Variants in SLC6A2 observed in about 807,000 individuals in gnomAD.
SLC6A2 encodes the protein solute carrier family 6 member 2, also known as sodium-dependent noradrenaline transporter.
A neutral mutation model predicts 71.7 loss-of-function variants in SLC6A2; 26 were observed. The observed-to-expected ratio is 0.36, with a 90% confidence interval of 0.27 to 0.50. The LOEUF is 0.50. SLC6A2 is among the 20% of genes least tolerant of loss of function. The pLI is 0.96. For synonymous variants in SLC6A2, 363 were observed against 337.9 expected, an observed-to-expected ratio of 1.07 and a Z score of -0.82; for missense variants, 581 against 803.9, an observed-to-expected ratio of 0.72 and a Z score of 3.35.
chr16:55,666,639 G>A (rs796422471), intron 2 of SLC6A2, among the ~76,000 whole-genome samples: 9 of 152,270 alleles, frequency 5.9e-5, no homozygotes, highest in African/African-American at 1.4e-4. Flanking sequence ...GAGAAGAGCC[G>A]CAGGCACATG....
chr16:55,692,830 A>G (rs1470122706), intron 6 of SLC6A2, among the ~76,000 whole-genome samples: 3 of 152,220 alleles, frequency 2.0e-5, no homozygotes, highest in African/African-American at 2.4e-5. Context: ...CCATAGTTGT[A>G]ATGCTCCAAC....
At chr16:55,665,145 C>T (rs1359020008) in intron 2 of SLC6A2, among the ~76,000 whole-genome samples, 3 of 152,212 alleles carry the variant, frequency 2.0e-5, no homozygotes, top group Non-Finnish European at 4.4e-5. Context: ...CCTGTACCTC[C>T]ACATTCCAGC....
intron 2 of SLC6A2, among the ~76,000 whole-genome samples, chr16:55,666,087 A>G (rs1596954991): frequency 2.0e-5 from 3 of 152,338 alleles, no homozygotes; most frequent in African/African-American, 7.2e-5. Flanking sequence ...TGAGCTCCTC[A>G]TGAGGCATGC....
chr16:55,690,545 T>C (rs549924073), intron 5 of SLC6A2, among the ~76,000 whole-genome samples: 10 of 152,318 alleles, frequency 6.6e-5, no homozygotes, highest in African/African-American at 2.2e-4. Context: ...ATTTAGGTTA[T>C]AGGCCTTCTC....
At chr16:55,691,089 T>C (rs1965603377) in intron 5 of SLC6A2, among the ~76,000 whole-genome samples, 1 of 149,860 alleles carries the variant, frequency 6.7e-6, no homozygotes, top group South Asian at 2.1e-4. Flanking sequence ...GGAAAGAAAA[T>C]ATGCTTAAAG....
chr16:55,665,788 C>A (rs1175066032), intron 2 of SLC6A2, among the ~76,000 whole-genome samples: 1 of 152,204 alleles, frequency 6.6e-6, no homozygotes, highest in Non-Finnish European at 1.5e-5. Context: ...GGGTACTTGG[C>A]ATTTGCACAG....
chr16:55,697,434 T>A (rs898227412), intron 9 of SLC6A2, among the ~76,000 whole-genome samples: 2 of 152,228 alleles, frequency 1.3e-5, no homozygotes, highest in Non-Finnish European at 2.9e-5. Flanking sequence ...GTGACCACTT[T>A]GCTTGATCAT....
intron 4 of SLC6A2, among the ~76,000 whole-genome samples, chr16:55,679,264 G>A (rs1226218193): frequency 6.7e-6 from 1 of 148,176 alleles, no homozygotes; most frequent in African/African-American, 2.5e-5. Context: ...TTCTCACTCT[G>A]TCACCCAGGC....
intron 4 of SLC6A2, among the ~76,000 whole-genome samples, chr16:55,675,590 G>C (rs767110304): frequency 6.6e-6 from 1 of 152,126 alleles, no homozygotes; most frequent in East Asian, 1.9e-4. Flanking sequence ...AAAACTTCCC[G>C]CCATGATAGA....
chr16:55,699,972 T>C (rs1567458785), intron 12 of SLC6A2, among the ~76,000 whole-genome samples, 167 bp from the exon 13 acceptor site: 1 of 152,162 alleles, frequency 6.6e-6, no homozygotes, highest in Non-Finnish European at 1.5e-5. Flanking sequence ...TTCTTTCTTA[T>C]TTCTCCATCT....
Position 55,669,049 on chromosome 16 carries a change from A to T in SLC6A2, c.275-516A>T, listed in dbSNP as rs115010701. On this transcript the variant is annotated intron_variant, in intron 2 of 14. Coordinates refer to ENST00000568943, the MANE Select transcript of SLC6A2 (RefSeq NM_001172501.3). The stretch of plus-strand genomic sequence containing the variant: ...CCAGTGAGATCATGCTTGGGAAAGC[A>T]AGCCACATATACCCCTATGTGATAG... Among the ~76,000 whole-genome samples, 1,297 of 152,292 alleles carry T rather than the reference A, an allele frequency of 8.5e-3. 23 individuals are homozygous for T. The highest frequency in any genetic ancestry group is 0.03 in the African/African-American group (1,237 of 41,552).
intron 4 of SLC6A2, among the ~76,000 whole-genome samples, chr16:55,673,180 G>T (rs768756006): frequency 4.6e-5 from 7 of 152,134 alleles, no homozygotes; most frequent in Non-Finnish European, 1.0e-4. Flanking sequence ...ATTGATTTGA[G>T]TTTGTTTGTT....
At chr16:55,660,560 A>G (rs753307242) in intron 2 of SLC6A2, among the ~76,000 whole-genome samples, 4 of 152,180 alleles carry the variant, frequency 2.6e-5, no homozygotes, top group Non-Finnish European at 5.9e-5. Context: ...GATGAGAGTG[A>G]GTGGTCAGGA....
chr16:55,687,234 G>A (rs1182542966), intron 5 of SLC6A2, among the ~76,000 whole-genome samples: 1 of 364 alleles, frequency 2.7e-3, no homozygotes, highest in African/African-American at 4.0e-3. Flanking sequence ...TAGATAATAA[G>A]AGATCATTGC....
chr16:55,663,369 C>T (rs1964661008), intron 2 of SLC6A2, among the ~76,000 whole-genome samples: 1 of 152,150 alleles, frequency 6.6e-6, no homozygotes, highest in Admixed American at 6.5e-5. Flanking sequence ...CTTGGTTCCC[C>T]TCTTGCCATG....
intron 5 of SLC6A2, among the ~76,000 whole-genome samples, chr16:55,687,716 A>G (rs558322485): frequency 5.2e-4 from 79 of 152,304 alleles, no homozygotes; most frequent in Admixed American, 1.2e-3. Flanking sequence ...GGACCACCAC[A>G]AACTTCTAAC....
intron 4 of SLC6A2, among the ~76,000 whole-genome samples, chr16:55,680,665 C>T (rs2142543010): frequency 6.6e-6 from 1 of 152,294 alleles, no homozygotes; most frequent in South Asian, 2.1e-4. Context: ...CTCCCAGACA[C>T]ACCCAGGAAC....
At chr16:55,677,017 T>C (rs766859654) in intron 4 of SLC6A2, among the ~76,000 whole-genome samples, 10 of 152,196 alleles carry the variant, frequency 6.6e-5, no homozygotes. Context: ...TTTCCATCAG[T>C]AGCTCCCCCT....
chr16:55,692,860 C>A (rs187943932), intron 6 of SLC6A2, among the ~76,000 whole-genome samples: 1 of 152,146 alleles, frequency 6.6e-6, no homozygotes, highest in Non-Finnish European at 1.5e-5. Flanking sequence ...TGTTATAGAC[C>A]GGTAACCAAG....
Sources: gnomAD v4.1 joint callset for allele counts (sites outside exome capture counted in the v4.1 genomes callset) on GRCh38, gnomAD v4.1.1 for gene constraint, MANE v1.5 for transcripts, NCBI Gene and HGNC (gene_info 2026-07-23, HGNC 2026-07-21) for gene names.